NLRP4: variants seen among roughly 807,000 people sequenced by gnomAD.
NLRP4 encodes NACHT, LRR and PYD domains-containing protein 4.
In NLRP4, 44 loss-of-function variants were observed where a neutral mutation model predicts 84.7. That is an observed-to-expected ratio of 0.52 (90% confidence interval 0.41 to 0.67). The LOEUF (loss-of-function observed/expected upper bound fraction) is 0.67. NLRP4 is among the 30% of genes least tolerant of loss of function. NLRP4 has a pLI of 0.00. For synonymous variants in NLRP4, 544 were observed against 476.4 expected, an observed-to-expected ratio of 1.14 and a Z score of -1.85; for missense variants, 1,260 against 1,219.4, an observed-to-expected ratio of 1.03 and a Z score of -0.50.
chr19:55,844,228 C>G (rs1417323863), intron 1 of NLRP4, among the ~76,000 whole-genome samples: 1 of 152,074 alleles, frequency 6.6e-6, no homozygotes, highest in East Asian at 1.9e-4. Context: ...GGCATTTTCC[C>G]TGTGGCATGG....
At chr19:55,840,884 A>G (rs545145689) in intron 1 of NLRP4, among the ~76,000 whole-genome samples, 1 of 152,198 alleles carries the variant, frequency 6.6e-6, no homozygotes, top group African/African-American at 2.4e-5. Context: ...GAATAATTCA[A>G]TATCTTTTCC....
At chr19:55,860,083 T>G (rs374730376) in intron 3 of NLRP4, among the ~76,000 whole-genome samples, 2 of 151,290 alleles carry the variant, frequency 1.3e-5, no homozygotes, top group African/African-American at 4.8e-5. Context: ...CCTCCCAGGT[T>G]CACGCCATTC....
rs556216551 is a variant in NLRP4, at chr19:55,872,099, C to T, written c.2525+1102C>T. Among the ~76,000 whole-genome samples, 54 of 152,194 alleles carry T rather than the reference C, an allele frequency of 3.5e-4. 3 individuals carry two copies. The South Asian group carries it at 7.5e-3, about 21-fold the overall frequency. On this transcript the variant is annotated intron_variant, in intron 7 of 9. Coordinates refer to ENST00000301295, the MANE Select transcript of NLRP4 (RefSeq NM_134444.5). The stretch of plus-strand genomic sequence containing the variant: ...TCCTGATCTCGTGATCCGCCCGCCT[C>T]GGCCTCCCAAAGTGCTGGGATTACA...
chr19:55,860,816 A>T (rs940568624), intron 3 of NLRP4, among the ~76,000 whole-genome samples: 3 of 152,118 alleles, frequency 2.0e-5, no homozygotes, highest in Non-Finnish European at 4.4e-5. Flanking sequence ...CGTCTCTACT[A>T]AAAATACAAA....
chr19:55,880,535 A>G (rs1004120599), intron 9 of NLRP4, among the ~76,000 whole-genome samples: 1 of 152,224 alleles, frequency 6.6e-6, no homozygotes, highest in Non-Finnish European at 1.5e-5. Context: ...GCAGAACTAA[A>G]TAAGTGAGTT....
At chr19:55,876,641 G>A (rs146189218) in intron 7 of NLRP4, among the ~76,000 whole-genome samples, 2 of 152,130 alleles carry the variant, frequency 1.3e-5, no homozygotes, top group Non-Finnish European at 2.9e-5. Context: ...GGGATTACAC[G>A]CATGAGCCAC....
intron 5 of NLRP4, among the ~76,000 whole-genome samples, chr19:55,865,158 G>T (rs1420830037): frequency 1.3e-5 from 2 of 152,088 alleles, no homozygotes; most frequent in Non-Finnish European, 2.9e-5. Flanking sequence ...TCTCAAGTAG[G>T]CCCTGGTGTC....
Position 55,851,734 on chromosome 19 carries a change from A to AATTTCCGAGGCTGCGGTGTAATTTCCATG in NLRP4, c.-65-282_-65-281insATTTCCGAGGCTGCGGTGTAATTTCCATG, listed in dbSNP as rs1568660210. On this transcript the variant is annotated intron_variant, in intron 1 of 9. Coordinates refer to ENST00000301295, the MANE Select transcript of NLRP4 (RefSeq NM_134444.5). The stretch of plus-strand genomic sequence containing the variant: ...TCCGAGGCTGCGGTGTAATTTCCGA[A>AATTTCCGAGGCTGCGGTGTAATTTCCATG]GCTGCGGTGTAATTTCCAAAAATGT... Among the ~76,000 whole-genome samples the AATTTCCGAGGCTGCGGTGTAATTTCCATG allele has an allele frequency of 4.5e-4, 57 of 126,744 alleles. 2 individuals are homozygous for AATTTCCGAGGCTGCGGTGTAATTTCCATG. Among genetic ancestry groups the AATTTCCGAGGCTGCGGTGTAATTTCCATG allele is most frequent in the African/African-American group, 2.1e-3 (56 of 26,292 alleles). The allele number at this position is 126,744 out of a possible 152,430, so 83.1% of individuals were successfully genotyped here.
At position 55,878,876 on chromosome 19, in the gene NLRP4, A is replaced by T; in HGVS notation, c.2779A>T (p.Asn927Tyr). 1 of 1,613,914 alleles carries T rather than the reference A, an allele frequency of 6.2e-7. No individual in the cohort carries two copies. Among genetic ancestry groups the T allele is most frequent in the Non-Finnish European group, 8.5e-7 (1 of 1,179,834 alleles). The change falls in exon 9 of 10, where the codon AAC becomes TAC. Residue 927 changes from asparagine (N) to tyrosine (Y), a missense_variant. Around this residue, in one of 3 missense-constraint regions of NLRP4, gnomAD observed 544 missense variants for 531.7 expected, o/e 1.02. Coordinates refer to ENST00000301295, the MANE Select transcript of NLRP4 (RefSeq NM_134444.5). ...LTCSKTLQQL[N>Y]LTLNTLDHTG... ...CTGCAGTAAGACCCTGCAGCAGCTC[A>T]ACCTGACCTTGAACACCTTGGACCA...
chr19:55,850,770 C>CT (rs1984077468), intron 1 of NLRP4, among the ~76,000 whole-genome samples: 2 of 134,352 alleles, frequency 1.5e-5, no homozygotes, highest in Non-Finnish European at 3.1e-5. Flanking sequence ...GTGTAATTTC[C>CT]GAGGCTGCGG....
chr19:55,855,577 C>A (rs898622071), intron 2 of NLRP4, among the ~76,000 whole-genome samples: 2 of 152,188 alleles, frequency 1.3e-5, no homozygotes, highest in Non-Finnish European at 2.9e-5. Context: ...CTTAAGGTAG[C>A]ATTACCTACT....
Position 55,879,500 on chromosome 19 carries a change from T to TC in NLRP4, c.2867+536_2867+537insC, listed in dbSNP as rs1491436747. 6.5e-3 allele frequency among the ~76,000 whole-genome samples: 994 copies of TC among 152,230 alleles called. 12 individuals are homozygous for TC. The highest frequency in any genetic ancestry group is 0.021 in the African/African-American group (878 of 41,528). ...ATTTCTGGCAGCCCCCACCCCAGTC[T>TC]TTTATTAAGCAGGCAGGTTCTCTGC... On this transcript the variant is annotated intron_variant, in intron 9 of 9. Coordinates refer to ENST00000301295, the MANE Select transcript of NLRP4 (RefSeq NM_134444.5).
Position 55,844,270 on chromosome 19 carries a change from A to ATT in NLRP4, c.-66+7339_-66+7340dup, listed in dbSNP as rs552430443. On this transcript the variant is annotated intron_variant, in intron 1 of 9. Coordinates refer to ENST00000301295, the MANE Select transcript of NLRP4 (RefSeq NM_134444.5). Reference sequence around the variant, plus strand: ...CTTCCCTCTATTCATATGTGTCCAGATTTTCCCCTTTCTTTTTTCTTTTTA... The same window carrying ATT: ...CTTCCCTCTATTCATATGTGTCCAGATTTTTTCCCCTTTCTTTTTTCTTTTTA... Among the ~76,000 whole-genome samples the ATT allele has an allele frequency of 9.9e-5, 15 of 151,652 alleles. No homozygotes were observed. In the South Asian group the frequency reaches 3.1e-3, roughly 32 times the overall value.
At chr19:55,850,169 C>A (rs1984015838) in intron 1 of NLRP4, among the ~76,000 whole-genome samples, 4 of 134,732 alleles carry the variant, frequency 3.0e-5, no homozygotes, top group Admixed American at 7.7e-5. Flanking sequence ...GGTGTAATTT[C>A]CGTGGCTGCG....
intron 1 of NLRP4, among the ~76,000 whole-genome samples, chr19:55,842,912 A>C (rs912853697): frequency 6.6e-5 from 10 of 151,880 alleles, no homozygotes; most frequent in African/African-American, 2.4e-4. Flanking sequence ...GGTGCCCGCC[A>C]CCACGCCCGG....
chr19:55,862,827 C>G (rs1471153845), intron 5 of NLRP4, among the ~76,000 whole-genome samples: 1 of 152,212 alleles, frequency 6.6e-6, no homozygotes, highest in Non-Finnish European at 1.5e-5. Flanking sequence ...TGAAGACATC[C>G]ACTTTTTCCT....
Position 55,867,823 on chromosome 19 carries a change from G to A in NLRP4, c.2301G>A (p.Val767=), listed in dbSNP as rs749878955. 6.2e-7 allele frequency: 1 copy of A among 1,614,194 alleles called. No homozygotes were observed. The highest frequency in any genetic ancestry group is 1.1e-5 in the South Asian group (1 of 91,088). The change falls in exon 6 of 10, where the codon GTG becomes GTA. Residue 767 remains valine, a synonymous_variant. Coordinates refer to ENST00000301295, the MANE Select transcript of NLRP4 (RefSeq NM_134444.5). ...CCTGCAACCAGTTAGACACAGGCGT[G>A]CCCCTTTTGTGTGAAGCCCTGTGCA... ...NVSCNQLDTG[V]PLLCEALCSP...
At chr19:55,856,031 T>C (rs1351971937) in intron 2 of NLRP4, among the ~76,000 whole-genome samples, 1 of 152,244 alleles carries the variant, frequency 6.6e-6, no homozygotes, top group Non-Finnish European at 1.5e-5. Context: ...TCTCGCTCTA[T>C]TGCCAGGGCT....
chr19:55,867,843 T>C lies in NLRP4; in HGVS notation c.2321T>C (p.Leu774Pro). 6.2e-7 allele frequency: 1 copy of C among 1,614,194 alleles called. No individual in the cohort carries two copies. The highest frequency in any genetic ancestry group is 8.5e-7 in the Non-Finnish European group (1 of 1,180,022). The change falls in exon 6 of 10, where the codon CTG (leucine) becomes CCG (proline). Residue 774 changes from leucine to proline, a missense_variant. Around this residue, in one of 3 missense-constraint regions of NLRP4, gnomAD observed 544 missense variants for 531.7 expected, o/e 1.02. Coordinates refer to ENST00000301295, the MANE Select transcript of NLRP4 (RefSeq NM_134444.5). The stretch of plus-strand genomic sequence containing the variant: ...GGCGTGCCCCTTTTGTGTGAAGCCC[T>C]GTGCAGCCCAGACACGGTCCTGGTA... ...DTGVPLLCEA[L>P]CSPDTVLVYL...
Sources: allele counts gnomAD v4.1 joint callset (sites outside exome capture counted in the v4.1 genomes callset), GRCh38; gene constraint gnomAD v4.1.1; regional missense constraint gnomAD v4.1.1; transcripts MANE v1.5; gene names NCBI Gene and HGNC (gene_info 2026-07-23, HGNC 2026-07-21).